Variants in TJP1 observed in about 807,000 individuals in gnomAD.
The protein encoded by TJP1 is tight junction protein 1, also known as tight junction protein ZO-1.
In TJP1, 43 loss-of-function variants were observed where a neutral mutation model predicts 194.2. The ratio of observed to expected loss-of-function variants is 0.22; its 90% CI spans 0.17 to 0.29. The LOEUF (loss-of-function observed/expected upper bound fraction) is 0.29. Ranked by LOEUF, TJP1 falls within the 10% of genes least tolerant of loss-of-function variation. The pLI is 1.00. For synonymous variants in TJP1, 801 were observed against 779.0 expected, an observed-to-expected ratio of 1.03 and a Z score of -0.47; for missense variants, 1,971 against 2,185.7, an observed-to-expected ratio of 0.90 and a Z score of 1.96.
At position 29,963,270 on chromosome 15, in the gene TJP1, C is replaced by T. The variant is rs1475941338; in HGVS notation, c.173+5397G>A. The stretch of plus-strand genomic sequence containing the variant: ...AAACAACCTTCTATCGGGCAATTAC[C>T]AGTCATTTTAGTATCTGTTTTCAGT... On this transcript the variant is annotated intron_variant, in intron 1 of 28. Coordinates refer to the TJP1 transcript ENST00000356107. 4.6e-5 allele frequency among the ~76,000 whole-genome samples: 7 copies of T among 152,272 alleles called. No homozygotes were observed. The East Asian group carries it at 1.3e-3, about 29-fold the overall frequency.
At chr15:29,929,666 C>T (rs1365987640) in intron 2 of TJP1, among the ~76,000 whole-genome samples, 1 of 152,002 alleles carries the variant, frequency 6.6e-6, no homozygotes, top group East Asian at 1.9e-4. Context: ...CACTGCACTC[C>T]AGCCTGGGTG....
At chr15:29,705,296 G>A (rs1300694848) in intron 26 of TJP1, among the ~76,000 whole-genome samples, 1 of 152,154 alleles carries the variant, frequency 6.6e-6, no homozygotes, top group African/African-American at 2.4e-5. Context: ...CCTGTCCTAT[G>A]CCATCATTTT....
At chr15:29,861,482 T>A (rs891103754) in intron 2 of TJP1, among the ~76,000 whole-genome samples, 2 of 152,192 alleles carry the variant, frequency 1.3e-5, no homozygotes, top group Non-Finnish European at 2.9e-5. Context: ...CAGTAGGATA[T>A]AAATAACTCC....
chr15:29,959,090 C>T (rs562009420), intron 1 of TJP1, among the ~76,000 whole-genome samples: 8 of 151,766 alleles, frequency 5.3e-5, no homozygotes, highest in South Asian at 2.1e-4. Flanking sequence ...CCTGGGTTCA[C>T]GCCATTCTCC....
chr15:29,960,774 T>C (rs2056127433), intron 1 of TJP1, among the ~76,000 whole-genome samples: 1 of 151,944 alleles, frequency 6.6e-6, no homozygotes, highest in Admixed American at 6.6e-5. Flanking sequence ...TTCTACAGAG[T>C]AACTTCAGGA....
intron 3 of TJP1, 95 bp from the exon 4 acceptor site, chr15:29,772,261 C>G (rs1308084038): frequency 1.3e-5 from 9 of 678,836 alleles, no homozygotes; most frequent in Non-Finnish European, 2.0e-5. Context: ...AAAATGTAAT[C>G]TAATTATGAG....
chr15:29,732,999 G>T, intron 13 of TJP1, 95 bp downstream of exon 13: 3 of 1,394,924 alleles, frequency 2.2e-6, no homozygotes, highest in African/African-American at 1.4e-5. Context: ...CAATGAAAAA[G>T]AATTCTTTAC....
In TJP1 at chr15:29,719,792, A is replaced by T. The variant is rs750642646; in HGVS notation, c.2988T>A (p.His996Gln). The change falls in exon 20 of 28, where the codon CAT becomes CAA. Residue 996 changes from histidine (H) to glutamine (Q), a missense_variant. Physicochemically the swap from His to Gln is conservative, Grantham distance 24 (BLOSUM62 0). Transcript: ENST00000614355. ...GCACAGGTACCTTTGTTGGATCTAC[A>T]TGCGACGACAATGATGGTTCTTGAT... ...LRDQEPSLSS[H>Q]VDPTKVYRKD... 2 of 1,613,780 alleles carry T rather than the reference A, an allele frequency of 1.2e-6. No individual in the cohort carries two copies. Among genetic ancestry groups the T allele is most frequent in the Non-Finnish European group, 1.7e-6 (2 of 1,179,826 alleles).
chr15:29,790,063 T>C (rs1444002592), intron 2 of TJP1, among the ~76,000 whole-genome samples: 1 of 152,228 alleles, frequency 6.6e-6, no homozygotes, highest in Non-Finnish European at 1.5e-5. Context: ...CAGCACACTA[T>C]GGCCCACAGT....
At chr15:29,753,784 T>C (rs1244421852) in intron 8 of TJP1, among the ~76,000 whole-genome samples, 3 of 146,524 alleles carry the variant, frequency 2.0e-5, no homozygotes, top group African/African-American at 7.6e-5. Flanking sequence ...TCTTTCTAAC[T>C]GGCACCCTTT....
intron 8 of TJP1, chr15:29,759,500 T>C (rs969848164): frequency 2.0e-5 from 3 of 152,198 alleles, no homozygotes; most frequent in South Asian, 2.1e-4. Flanking sequence ...TGCCTTAAGA[T>C]CTACTCTCTT....
intron 10 of TJP1, among the ~76,000 whole-genome samples, chr15:29,740,261 C>T (rs1449211407): frequency 6.6e-6 from 1 of 152,116 alleles, no homozygotes; most frequent in Non-Finnish European, 1.5e-5. Flanking sequence ...AGGCATAAGC[C>T]ACTGCGCCCG....
intron 2 of TJP1, among the ~76,000 whole-genome samples, chr15:29,949,799 A>T (rs1414919211): frequency 9.1e-5 from 6 of 65,638 alleles, no homozygotes; most frequent in Non-Finnish European, 1.8e-4. Flanking sequence ...CACCTCCACC[A>T]CAACCATCTT....
chr15:29,949,213 CACCTCCACTTTCACCACCACT>C (rs1352788192), intron 2 of TJP1, among the ~76,000 whole-genome samples: 27 of 118,982 alleles, frequency 2.3e-4, no homozygotes, highest in African/African-American at 9.6e-4. Flanking sequence ...CCACCACCAC[CACCTCCACTTTCACCACCACT>C]ACCTCCACCT....
chr15:29,751,424 G>A (rs2045272836), intron 8 of TJP1, among the ~76,000 whole-genome samples: 1 of 152,196 alleles, frequency 6.6e-6, no homozygotes, highest in Admixed American at 6.5e-5. Flanking sequence ...ATGTGTTTGT[G>A]GAGCTTATTC....
intron 2 of TJP1, among the ~76,000 whole-genome samples, chr15:29,939,730 A>G (rs2055002653): frequency 6.6e-6 from 1 of 152,176 alleles, no homozygotes; most frequent in Non-Finnish European, 1.5e-5. Context: ...GCTGGGCTGG[A>G]GCCCTCATGA....
chr15:29,895,775 C>T (rs1177055508), intron 2 of TJP1, among the ~76,000 whole-genome samples: 1 of 152,218 alleles, frequency 6.6e-6, no homozygotes, highest in South Asian at 2.1e-4. Flanking sequence ...AACAACCACA[C>T]TCCCAGTACC....
intron 2 of TJP1, among the ~76,000 whole-genome samples, chr15:29,907,952 GAAC>G (rs990991316): frequency 1.4e-4 from 20 of 144,434 alleles, no homozygotes; most frequent in African/African-American, 5.1e-4. Flanking sequence ...AACAAAGTGA[GAAC>G]AACAGTGCTC....
chr15:29,826,095 C>A (rs1163111133), upstream of TJP1, among the ~76,000 whole-genome samples: 2 of 150,414 alleles, frequency 1.3e-5, no homozygotes, highest in Non-Finnish European at 3.0e-5. Flanking sequence ...TACATATTAC[C>A]ACAGTTTAGA....
Sources: allele counts gnomAD v4.1 joint callset (sites outside exome capture counted in the v4.1 genomes callset), GRCh38; gene constraint gnomAD v4.1.1; transcripts MANE v1.5; gene names NCBI Gene and HGNC (gene_info 2026-07-23, HGNC 2026-07-21).